EFCAB6: variants seen among roughly 807,000 people sequenced by gnomAD.
EFCAB6 encodes EF-hand calcium binding domain 6, also known as EF-hand calcium-binding domain-containing protein 6.
In EFCAB6, 156 loss-of-function variants were observed where a neutral mutation model predicts 169.8. That is an observed-to-expected ratio of 0.92 (90% CI 0.81 to 1.05). The LOEUF (loss-of-function observed/expected upper bound fraction) is 1.05, where lower values mean the gene tolerates loss of function less well. Among genes scored for constraint, EFCAB6 ranks in the 50% least tolerant of loss-of-function variants. EFCAB6 has a pLI of 0.00. For missense variants in EFCAB6, 1,800 were observed against 1,829.1 expected (o/e 0.98, Z 0.29); for synonymous variants, 698 against 676.4 (o/e 1.03, Z -0.50).
At chr22:43,765,853 TTGGGTCAAG>T (rs577687597) in intron 4 of EFCAB6, among the ~76,000 whole-genome samples, 7 of 152,106 alleles carry the variant, frequency 4.6e-5, no homozygotes, top group Non-Finnish European at 1.0e-4. Flanking sequence ...AAGGATATCA[TTGGGTCAAG>T]TGGGTCAATA....
chr22:43,804,411 G>A (rs1203386625), intron 2 of EFCAB6, among the ~76,000 whole-genome samples: 1 of 152,042 alleles, frequency 6.6e-6, no homozygotes, highest in Non-Finnish European at 1.5e-5. Flanking sequence ...TGCACTTCAA[G>A]GAGCTAGAAA....
chr22:43,638,236 A>G (rs1051250821), intron 17 of EFCAB6, among the ~76,000 whole-genome samples: 6 of 152,250 alleles, frequency 3.9e-5, no homozygotes, highest in African/African-American at 1.4e-4. Flanking sequence ...CAGATTTATC[A>G]TGACCCTTGG....
intron 17 of EFCAB6, among the ~76,000 whole-genome samples, chr22:43,638,103 G>A (rs2055549812): frequency 6.6e-6 from 1 of 152,090 alleles, no homozygotes; most frequent in African/African-American, 2.4e-5. Context: ...GAACACAAAC[G>A]CTGCAAGTGC....
At chr22:43,707,163 T>C (rs955921038) in intron 10 of EFCAB6, among the ~76,000 whole-genome samples, 10 of 152,268 alleles carry the variant, frequency 6.6e-5, no homozygotes, top group African/African-American at 2.2e-4. Context: ...AGACTTGGGA[T>C]TGTGCAAGAC....
intron 26 of EFCAB6, among the ~76,000 whole-genome samples, chr22:43,565,188 T>C (rs1367792744): frequency 6.6e-6 from 1 of 152,224 alleles, no homozygotes; most frequent in Non-Finnish European, 1.5e-5. Flanking sequence ...CCTACACCAT[T>C]GCCTTAGAAG....
At chr22:43,796,027 C>T (rs186481019) in intron 2 of EFCAB6, among the ~76,000 whole-genome samples, 1 of 150,014 alleles carries the variant, frequency 6.7e-6, no homozygotes, top group Non-Finnish European at 1.5e-5. Flanking sequence ...AGACCACTTA[C>T]CCCCCACAGA....
At position 43,672,314 on chromosome 22, in the gene EFCAB6, G is replaced by T. The variant is rs189135319; in HGVS notation, c.1420-9C>A. On this transcript the variant is annotated splice_polypyrimidine_tract_variant and intron_variant, in intron 13 of 31. Coordinates refer to ENST00000262726, the MANE Select transcript of EFCAB6 (RefSeq NM_022785.4). ...GGAGATGTCTTTCTCATCTAATTGG[G>T]AAAGAGAAAGTATATAAATAAATAC... is the stretch of plus-strand genomic sequence containing the variant. 606 of 1,613,718 alleles carry T rather than the reference G, an allele frequency of 3.8e-4. 2 individuals carry two copies. In the African/African-American group the frequency reaches 7.2e-3, roughly 19 times the overall value.
chr22:43,590,325 G>C, intron 23 of EFCAB6, 96 bp from the exon 24 acceptor site: 1 of 1,381,088 alleles, frequency 7.2e-7, no homozygotes, highest in Non-Finnish European at 9.8e-7. Context: ...GCAATGAGCT[G>C]ATGGCTCATC....
chr22:43,625,393 C>G (rs1434513089), intron 20 of EFCAB6, among the ~76,000 whole-genome samples: 3 of 152,216 alleles, frequency 2.0e-5, no homozygotes, highest in Non-Finnish European at 4.4e-5. Context: ...TTCAGAATTA[C>G]TCATGTAATA....
At chr22:43,606,852 G>A (rs2147606577) in intron 22 of EFCAB6, among the ~76,000 whole-genome samples, 1 of 152,306 alleles carries the variant, frequency 6.6e-6, no homozygotes, top group Non-Finnish European at 1.5e-5. Flanking sequence ...AACAAGTTCT[G>A]TCCCACCCTC....
chr22:43,749,001 GCTAA>G (rs2060662136), intron 6 of EFCAB6, among the ~76,000 whole-genome samples: 1 of 152,202 alleles, frequency 6.6e-6, no homozygotes, highest in Admixed American at 6.5e-5. Flanking sequence ...GGGAAACCCA[GCTAA>G]GGAGTCACTG....
intron 17 of EFCAB6, among the ~76,000 whole-genome samples, chr22:43,654,008 T>C (rs9614169): frequency 0.021 from 3,197 of 152,192 alleles, 40 homozygotes; most frequent in Non-Finnish European, 0.034. Context: ...CCACAGCTTG[T>C]TTTAGAAAAA....
At chr22:43,579,582 ACACGCAGGCATCATTCCCTG>A (rs2050561025) in intron 25 of EFCAB6, among the ~76,000 whole-genome samples, 3 of 151,064 alleles carry the variant, frequency 2.0e-5, no homozygotes, top group South Asian at 2.1e-4. Flanking sequence ...ATCATTCCCT[ACACGCAGGCATCATTCCCTG>A]CATGCAGGCA....
chr22:43,610,810 T>C (rs907769360), intron 21 of EFCAB6, among the ~76,000 whole-genome samples: 1 of 152,228 alleles, frequency 6.6e-6, no homozygotes, highest in African/African-American at 2.4e-5. Context: ...GTCTGGCATG[T>C]AAGAAACTTG....
At chr22:43,593,708 C>T (rs2051745634) in intron 23 of EFCAB6, among the ~76,000 whole-genome samples, 1 of 152,116 alleles carries the variant, frequency 6.6e-6, no homozygotes, top group Non-Finnish European at 1.5e-5. Context: ...ATTCTCAGTT[C>T]CTTTGGAGAT....
intron 3 of EFCAB6, among the ~76,000 whole-genome samples, chr22:43,773,787 C>T (rs1360374046): frequency 3.3e-5 from 5 of 152,176 alleles, no homozygotes; most frequent in Admixed American, 1.3e-4. Context: ...GCTGAGGTTG[C>T]GGTGAGCTGG....
intron 3 of EFCAB6, among the ~76,000 whole-genome samples, chr22:43,773,709 T>TG (rs1428036455): frequency 2.0e-5 from 3 of 152,168 alleles, no homozygotes; most frequent in African/African-American, 7.2e-5. Context: ...TAGCTGGGTG[T>TG]GGTGGCACAT....
At chr22:43,740,085 G>A (rs1240712379) in intron 6 of EFCAB6, among the ~76,000 whole-genome samples, 1 of 151,750 alleles carries the variant, frequency 6.6e-6, no homozygotes, top group Non-Finnish European at 1.5e-5. Context: ...GCCTCAAGGC[G>A]CTGGCGCTTG....
chr22:43,548,643 C>A (rs16990755), intron 27 of EFCAB6, among the ~76,000 whole-genome samples: 9,487 of 146,974 alleles, frequency 0.065, 359 homozygotes, highest in Admixed American at 0.096. Context: ...CAACCTTGAA[C>A]GCACATACAT....
Sources: gnomAD v4.1 joint callset for allele counts (sites outside exome capture counted in the v4.1 genomes callset) on GRCh38, gnomAD v4.1.1 for gene constraint, MANE v1.5 for transcripts, NCBI Gene and HGNC (gene_info 2026-07-23, HGNC 2026-07-21) for gene names.